Variants in SLC39A12 observed in about 807,000 individuals in gnomAD.
The protein encoded by SLC39A12 is zinc transporter ZIP12.
Under a neutral mutation model 71.1 loss-of-function variants are expected in SLC39A12, and 63 were observed. The observed-to-expected ratio is 0.89, with a 90% CI of 0.72 to 1.09. The LOEUF is 1.09. Ranked by LOEUF, SLC39A12 falls within the 50% of genes least tolerant of loss-of-function variation. The pLI is 0.00. For synonymous variants in SLC39A12, 351 were observed against 301.3 expected (o/e 1.16, Z -1.71); for missense variants, 892 against 812.6 (o/e 1.10, Z -1.19).
intron 6 of SLC39A12, among the ~76,000 whole-genome samples, chr10:17,983,651 G>A (rs913162370): frequency 8.6e-5 from 13 of 151,886 alleles, no homozygotes; most frequent in African/African-American, 2.9e-4. Context: ...GTATGCTGGC[G>A]GGTGCCTATA....
intron 10 of SLC39A12, among the ~76,000 whole-genome samples, chr10:17,997,321 A>G (rs1189571813): frequency 6.6e-6 from 1 of 152,222 alleles, no homozygotes. Flanking sequence ...CTACTGTTCT[A>G]AATGTTTTAG....
At chr10:17,956,919 C>A (rs1331045723) in intron 2 of SLC39A12, among the ~76,000 whole-genome samples, 1 of 152,164 alleles carries the variant, frequency 6.6e-6, no homozygotes, top group African/African-American at 2.4e-5. Context: ...CCAGTACCTG[C>A]CATCGGCAAC....
intron 12 of SLC39A12, among the ~76,000 whole-genome samples, chr10:18,023,065 G>A (rs1836578357): frequency 6.6e-6 from 1 of 152,138 alleles, no homozygotes; most frequent in Non-Finnish European, 1.5e-5. Flanking sequence ...TCCTACTTGA[G>A]TGCTGGTCAC....
chr10:18,038,700 G>A (rs1837134238), intron 12 of SLC39A12, among the ~76,000 whole-genome samples: 2 of 152,062 alleles, frequency 1.3e-5, no homozygotes, highest in Admixed American at 1.3e-4. Context: ...ACTGGGACAT[G>A]TTTTGGATTT....
chr10:17,967,023 T>G (rs1275368795), intron 4 of SLC39A12, among the ~76,000 whole-genome samples: 1 of 152,182 alleles, frequency 6.6e-6, no homozygotes, highest in Non-Finnish European at 1.5e-5. Context: ...TTAAAAAAAT[T>G]ATTTTTATTG....
chr10:17,996,268 TC>T (rs1234012161), intron 10 of SLC39A12, among the ~76,000 whole-genome samples: 2 of 151,812 alleles, frequency 1.3e-5, no homozygotes, highest in African/African-American at 4.8e-5. Context: ...ATTTTTTTCT[TC>T]TGCATTTAAT....
At chr10:17,999,067 C>T (rs921326845) in intron 10 of SLC39A12, among the ~76,000 whole-genome samples, 2 of 151,930 alleles carry the variant, frequency 1.3e-5, no homozygotes, top group East Asian at 1.9e-4. Context: ...GAGGCCGAGG[C>T]GGGTGGATCA....
chr10:17,963,433 G>C (rs1554848637), intron 3 of SLC39A12, among the ~76,000 whole-genome samples: 2 of 152,350 alleles, frequency 1.3e-5, no homozygotes, highest in South Asian at 2.1e-4. Context: ...CCAGGCTTCT[G>C]AGTATTTCTG....
intron 12 of SLC39A12, 130 bp from the exon 13 acceptor site, chr10:18,042,567 ATTCAGCAT>A: frequency 1.4e-6 from 1 of 710,968 alleles, no homozygotes. Flanking sequence ...TAGAGTAGGT[ATTCAGCAT>A]TTTGTAACTG....
At chr10:18,021,084 G>A (rs886166407) in intron 12 of SLC39A12, among the ~76,000 whole-genome samples, 4 of 151,858 alleles carry the variant, frequency 2.6e-5, no homozygotes, top group African/African-American at 9.7e-5. Context: ...GTTTTCTTCT[G>A]GAGTTTTTGT....
At chr10:18,036,746 T>TTATATG (rs1837036848) in intron 12 of SLC39A12, among the ~76,000 whole-genome samples, 13 of 37,490 alleles carry the variant, frequency 3.5e-4, no homozygotes, top group African/African-American at 1.4e-3. Flanking sequence ...ATTTTAAAAA[T>TTATATG]TATATATATA....
At chr10:17,995,857 T>A in intron 10 of SLC39A12, 135 bp downstream of exon 10, 1 of 684,920 alleles carries the variant, frequency 1.5e-6, no homozygotes, top group Non-Finnish European at 2.3e-6. Context: ...TGCAATAGGA[T>A]TTGTAATAAA....
chr10:18,004,256 A>G (rs1386873537), intron 12 of SLC39A12: 2 of 152,250 alleles, frequency 1.3e-5, no homozygotes, highest in African/African-American at 2.4e-5. Flanking sequence ...ATTAATTAAC[A>G]AAAGAGGTAC....
chr10:18,042,314 C>CA (rs961641602), intron 12 of SLC39A12, among the ~76,000 whole-genome samples: 4 of 151,652 alleles, frequency 2.6e-5, no homozygotes, highest in African/African-American at 7.3e-5. Context: ...CCCATCTCTA[C>CA]AAAAAAATGC....
intron 12 of SLC39A12, among the ~76,000 whole-genome samples, chr10:18,036,613 G>A (rs184589686): frequency 0.014 from 2,148 of 151,518 alleles, 56 homozygotes; most frequent in African/African-American, 0.05. Flanking sequence ...CGTCTTCTGC[G>A]TCGCTCACGC....
At chr10:18,026,658 C>T (rs1836686195) in intron 12 of SLC39A12, among the ~76,000 whole-genome samples, 1 of 151,856 alleles carries the variant, frequency 6.6e-6, no homozygotes, top group South Asian at 2.1e-4. Context: ...ATATGTTATG[C>T]CTTTTGTAGT....
At chr10:18,004,896 A>G (rs1482789017) in intron 12 of SLC39A12, among the ~76,000 whole-genome samples, 1 of 152,202 alleles carries the variant, frequency 6.6e-6, no homozygotes, top group Non-Finnish European at 1.5e-5. Context: ...ACGCTGCCAT[A>G]AGAAGGAATG....
At chr10:18,007,442 C>T (rs544004293) in intron 12 of SLC39A12, among the ~76,000 whole-genome samples, 12 of 152,112 alleles carry the variant, frequency 7.9e-5, no homozygotes, top group Non-Finnish European at 1.6e-4. Flanking sequence ...CTCATGGTAA[C>T]TGTTATAGGA....
intron 12 of SLC39A12, among the ~76,000 whole-genome samples, chr10:18,027,769 G>C (rs1341986449): frequency 2.0e-5 from 3 of 152,154 alleles, no homozygotes; most frequent in Admixed American, 1.3e-4. Context: ...TTTTTCAGTT[G>C]ATCAGCTTTA....
Sources: gnomAD v4.1 joint callset for allele counts (sites outside exome capture counted in the v4.1 genomes callset) on GRCh38, gnomAD v4.1.1 for gene constraint, MANE v1.5 for transcripts, NCBI Gene and HGNC (gene_info 2026-07-23, HGNC 2026-07-21) for gene names.